Variants in CTNNAL1 observed in about 807,000 individuals in gnomAD.
The protein encoded by CTNNAL1 is catenin alpha like 1.
Under a neutral mutation model 93.6 loss-of-function variants are expected in CTNNAL1, and 69 were observed. The observed-to-expected ratio is 0.74, with a 90% CI of 0.61 to 0.90. The LOEUF (loss-of-function observed/expected upper bound fraction) is 0.90. CTNNAL1 is among the 40% of genes least tolerant of loss of function. The probability of loss-of-function intolerance (pLI) is 0.00; values close to 1 mark genes in which losing one functional copy is unlikely to be tolerated. For missense variants in CTNNAL1, 836 were observed against 862.0 expected (o/e 0.97, Z 0.38); for synonymous variants, 286 against 305.4 (o/e 0.94, Z 0.66).
chr9:108,982,551 A>T (rs1831466183), intron 6 of CTNNAL1, among the ~76,000 whole-genome samples: 3 of 152,218 alleles, frequency 2.0e-5, no homozygotes, highest in Admixed American at 6.5e-5. Context: ...CAGGAAGGGA[A>T]CATTCTTTTG....
intron 15 of CTNNAL1, among the ~76,000 whole-genome samples, chr9:108,947,504 C>A (rs573317205): frequency 2.0e-5 from 3 of 152,186 alleles, no homozygotes; most frequent in Non-Finnish European, 2.9e-5. Flanking sequence ...CAAATTTACA[C>A]ACAAGAATGC....
intron 12 of CTNNAL1, among the ~76,000 whole-genome samples, chr9:108,953,405 T>C (rs954984364): frequency 2.6e-5 from 4 of 152,184 alleles, no homozygotes; most frequent in African/African-American, 7.2e-5. Context: ...AGCTAGGGTT[T>C]GTAGAGAAAA....
chr9:108,950,604 A>G, intron 14 of CTNNAL1: 3 of 1,549,480 alleles, frequency 1.9e-6, no homozygotes, highest in East Asian at 2.4e-5. Flanking sequence ...TCCTCCTTCT[A>G]TAGGAAGGAA....
chr9:108,982,343 C>G lies in CTNNAL1; in HGVS notation c.900+802G>C, dbSNP rs975033915. Reference sequence around the variant, plus strand: ...TAAAGCACTCAGAAAAGGGCTGGCACAGAATAAGGACTCAATAACTGTTAG... The same window carrying G: ...TAAAGCACTCAGAAAAGGGCTGGCAGAGAATAAGGACTCAATAACTGTTAG... On this transcript the variant is annotated intron_variant, in intron 6 of 18. Transcript: ENST00000325551. 3.3e-5 allele frequency among the ~76,000 whole-genome samples: 5 copies of G among 152,286 alleles called. No homozygotes were observed. In the East Asian group the frequency reaches 9.6e-4, roughly 29 times the overall value.
intron 8 of CTNNAL1, 35 bp from the exon 9 acceptor site, chr9:108,972,868 G>GCCCCCGGGC: frequency 1.8e-6 from 2 of 1,092,788 alleles, no homozygotes; most frequent in Non-Finnish European, 2.5e-6. Context: ...GGGTGGGAGG[G>GCCCCCGGGC]TGGAGAAGGA....
At position 108,979,374 on chromosome 9, in the gene CTNNAL1, G is replaced by A; in HGVS notation, c.1008C>T (p.Ala336=). The A allele has an allele frequency of 1.2e-6, 2 of 1,614,144 alleles. No homozygotes were observed. The highest frequency in any genetic ancestry group is 1.7e-6 in the Non-Finnish European group (2 of 1,180,014). Residue 336 remains alanine, a synonymous_variant, in exon 7 of 19, where the codon GCC becomes GCT. Coordinates refer to ENST00000325551, the MANE Select transcript of CTNNAL1 (RefSeq NM_003798.4). ...GTTCTCTGTGCTCATGGCTGGTGTA[G>A]GCAGAATCAGTAAAGTCCTCCATAC... ...LERMEDFTDS[A]YTSHEHRERI...
At chr9:108,972,394 C>T (rs12340408) in intron 9 of CTNNAL1, among the ~76,000 whole-genome samples, 7,860 of 152,146 alleles carry the variant, frequency 0.052, 312 homozygotes, top group Admixed American at 0.12. Flanking sequence ...CAAGGTCATA[C>T]GACGTACCTC....
chr9:108,952,273 T>C lies in CTNNAL1; in HGVS notation c.1771A>G (p.Asn591Asp). The change falls in exon 14 of 19, where the codon AAT (asparagine) becomes GAT (aspartate). Residue 591 changes from asparagine to aspartate, a missense_variant. Physicochemically the swap from Asn to Asp is conservative, Grantham distance 23. Coordinates refer to ENST00000325551, the MANE Select transcript of CTNNAL1 (RefSeq NM_003798.4). Reference sequence around the variant, plus strand: ...TTCCGTCCATATTGAACAATCTCATTCTCCTGATCTTCCCACTTCTCAATT... The same window carrying C: ...TTCCGTCCATATTGAACAATCTCATCCTCCTGATCTTCCCACTTCTCAATT... The part of the protein sequence containing the change: ...CEIEKWEDQE[N>D]EIVQYGRNMS... The C allele has an allele frequency of 6.2e-7, 1 of 1,614,226 alleles. No homozygotes were observed.
intron 2 of CTNNAL1, among the ~76,000 whole-genome samples, chr9:108,995,703 C>T (rs1831990511): frequency 6.6e-6 from 1 of 151,934 alleles, no homozygotes; most frequent in Non-Finnish European, 1.5e-5. Context: ...AAGTAAAAAG[C>T]AACAATACAA....
intron 11 of CTNNAL1, among the ~76,000 whole-genome samples, chr9:108,963,022 T>A (rs1036071839): frequency 2.6e-5 from 4 of 152,178 alleles, no homozygotes; most frequent in African/African-American, 9.7e-5. Flanking sequence ...AAGAGACCCC[T>A]TGATGGAAAA....
In CTNNAL1 at chr9:108,992,834, G is replaced by A. The variant is rs200885645; in HGVS notation, c.332-15C>T. ...AATTGTTTCTCCTAACAAGAAAGAC[G>A]AGGGGAGAAAGTTAAACAGGCATAC... On this transcript the variant is annotated splice_polypyrimidine_tract_variant and intron_variant, in intron 2 of 18. Coordinates refer to ENST00000325551, the MANE Select transcript of CTNNAL1 (RefSeq NM_003798.4). The A allele has an allele frequency of 3.7e-5, 59 of 1,598,090 alleles. No individual in the cohort carries two copies. The African/African-American group carries it at 5.9e-4, about 16-fold the overall frequency.
At chr9:108,974,213 C>A (rs1269551157) in intron 8 of CTNNAL1, among the ~76,000 whole-genome samples, 1 of 152,156 alleles carries the variant, frequency 6.6e-6, no homozygotes, top group Non-Finnish European at 1.5e-5. Flanking sequence ...CATGGATATA[C>A]CCATATAAGA....
intron 1 of CTNNAL1, among the ~76,000 whole-genome samples, chr9:109,008,851 G>A (rs1193485453): frequency 9.1e-6 from 1 of 109,676 alleles, no homozygotes; most frequent in Non-Finnish European, 2.0e-5. Flanking sequence ...AATGACTTAC[G>A]TTTTCCTTTT....
chr9:108,986,533 G>T (rs967440133), intron 4 of CTNNAL1, among the ~76,000 whole-genome samples: 1 of 151,954 alleles, frequency 6.6e-6, no homozygotes, highest in Non-Finnish European at 1.5e-5. Context: ...AGTCGTTTGG[G>T]TATATACCCA....
chr9:108,949,968 G>A (rs769421679), intron 14 of CTNNAL1, among the ~76,000 whole-genome samples: 5 of 149,128 alleles, frequency 3.4e-5, no homozygotes, highest in Non-Finnish European at 5.9e-5. Context: ...AGGTTGCAGT[G>A]AGCCGAGATC....
chr9:108,953,503 C>T (rs184689305), intron 12 of CTNNAL1, among the ~76,000 whole-genome samples: 1 of 146,930 alleles, frequency 6.8e-6, no homozygotes, highest in Admixed American at 7.0e-5. Flanking sequence ...TACCTGCACA[C>T]ACAGTATAAA....
chr9:108,950,292 A>G (rs1019109962), intron 14 of CTNNAL1, among the ~76,000 whole-genome samples: 2 of 152,226 alleles, frequency 1.3e-5, no homozygotes, highest in Non-Finnish European at 2.9e-5. Context: ...GGCCTGGGCC[A>G]TCAGATTTTA....
intron 14 of CTNNAL1, among the ~76,000 whole-genome samples, chr9:108,949,701 G>A (rs747738348): frequency 2.6e-5 from 4 of 151,966 alleles, no homozygotes; most frequent in Non-Finnish European, 4.4e-5. Context: ...AAAATTAGCC[G>A]GGCGTGGTGG....
At chr9:109,005,060 T>A (rs1053989354) in intron 1 of CTNNAL1, among the ~76,000 whole-genome samples, 1 of 152,172 alleles carries the variant, frequency 6.6e-6, no homozygotes, top group Non-Finnish European at 1.5e-5. Context: ...CTTCTTTTAC[T>A]GGAGGTTTAC....
Sources: gnomAD v4.1 joint callset for allele counts (sites outside exome capture counted in the v4.1 genomes callset) on GRCh38, gnomAD v4.1.1 for gene constraint, MANE v1.5 for transcripts, NCBI Gene and HGNC (gene_info 2026-07-23, HGNC 2026-07-21) for gene names.